The following COBLL1 variants were observed in gnomAD, a reference collection of about 807,000 sequenced individuals.
The protein encoded by COBLL1 is cordon-bleu protein-like 1.
COBLL1 carries 50 observed loss-of-function variants against 94.8 expected under a neutral mutation model. The ratio of observed to expected loss-of-function variants is 0.53; its 90% confidence interval spans 0.42 to 0.67. The LOEUF is 0.67. COBLL1 is among the 30% of genes least tolerant of loss of function. The pLI is 0.00. For missense variants in COBLL1, 1,362 were observed against 1,348.7 expected, an observed-to-expected ratio of 1.01 and a Z score of -0.15; for synonymous variants, 448 against 473.8, an observed-to-expected ratio of 0.95 and a Z score of 0.71.
intron 5 of COBLL1, chr2:164,724,433 T>C (rs563021221): frequency 1.3e-5 from 2 of 152,238 alleles, no homozygotes; most frequent in Admixed American, 1.3e-4. Context: ...GGCAATAAGT[T>C]AAACATTAAG....
Position 164,694,286 on chromosome 2 carries a change from G to A in COBLL1, c.3106C>T (p.Leu1036Phe). Residue 1036 changes from leucine to phenylalanine, a missense_variant, in exon 12 of 14, where the codon CTT (leucine) becomes TTT (phenylalanine). Transcript: ENST00000652658. ...ACAGTTACCTTATCAGACACACCAA[G>A]CTGTGGGATGTCCACAAATTTATTT... ...SVNKFVDIPQ[L>F]GVSDKENNSA... The A allele has an allele frequency of 1.2e-6, 2 of 1,613,578 alleles. No homozygotes were observed. The highest frequency in any genetic ancestry group is 1.7e-6 in the Non-Finnish European group (2 of 1,179,670).
chr2:164,672,280 C>G (rs1691253474), intron 1 of COBLL1, among the ~76,000 whole-genome samples: 1 of 152,170 alleles, frequency 6.6e-6, no homozygotes, highest in South Asian at 2.1e-4. Flanking sequence ...TCAGTGCCTC[C>G]TGAATGAGAT....
intron 3 of COBLL1, among the ~76,000 whole-genome samples, chr2:164,734,336 C>G (rs1180701023): frequency 1.3e-5 from 2 of 151,950 alleles, no homozygotes; most frequent in South Asian, 2.1e-4. Flanking sequence ...GTACAAAAAC[C>G]CTGAGGCAGG....
chr2:164,683,951 G>T lies in COBLL1; in HGVS notation c.*1995C>A, dbSNP rs1683163736. On this transcript the variant is annotated 3_prime_UTR_variant, in exon 14 of 14. Transcript: ENST00000652658. ...GATGTCTCCTTATGCATGTGCATAA[G>T]TACTTATTTAAGGTAACATGGTAAG... 1 of 152,136 alleles carries T rather than the reference G, an allele frequency of 6.6e-6. No homozygotes were observed. The highest frequency in any genetic ancestry group is 2.4e-5 in the African/African-American group (1 of 41,446). 9.4% of individuals were successfully genotyped at this position (152,136 alleles called of 1,614,324 possible).
chr2:164,814,315 T>C (rs967285884), intron 2 of COBLL1, among the ~76,000 whole-genome samples: 3 of 152,136 alleles, frequency 2.0e-5, no homozygotes, highest in African/African-American at 7.2e-5. Flanking sequence ...ACATTAGACC[T>C]AGCATCTAAT....
chr2:164,717,709 A>T (rs1275391940), intron 7 of COBLL1, among the ~76,000 whole-genome samples: 1 of 152,024 alleles, frequency 6.6e-6, no homozygotes, highest in African/African-American at 2.4e-5. Context: ...ACACACCAAC[A>T]TGCCTGGCTG....
At chr2:164,835,282 TG>T (rs1683267900) in intron 2 of COBLL1, among the ~76,000 whole-genome samples, 1 of 152,152 alleles carries the variant, frequency 6.6e-6, no homozygotes, top group Admixed American at 6.5e-5. Flanking sequence ...TATCCACTGA[TG>T]GATGGATAAG....
chr2:164,759,950 T>G (rs1011498896), intron 2 of COBLL1, among the ~76,000 whole-genome samples: 2 of 152,196 alleles, frequency 1.3e-5, no homozygotes, highest in Non-Finnish European at 2.9e-5. Flanking sequence ...TTGTATAATG[T>G]GAATGCAAAA....
chr2:164,805,330 T>TAA (rs1684058551), intron 2 of COBLL1, among the ~76,000 whole-genome samples: 1 of 47,318 alleles, frequency 2.1e-5, no homozygotes, highest in African/African-American at 7.4e-5. Context: ...TCTCTCTCTC[T>TAA]CTCTCTCTAT....
chr2:164,676,688 T>TCCCCC (rs199604109), downstream of COBLL1, among the ~76,000 whole-genome samples: 8 of 149,492 alleles, frequency 5.4e-5, no homozygotes, highest in African/African-American at 2.0e-4. Flanking sequence ...TTTTTTTTTT[T>TCCCCC]CCCCCCCTTT....
chr2:164,695,636 C>T lies in COBLL1; in HGVS notation c.1756G>A (p.Val586Ile). ...YKENHLAASS[V>I]PDQKLNQPSA... is the part of the protein sequence containing the mutation. ...GGTTGATTCAGTTTTTGATCTGGTACTGATGAAGCTGCTAGATGGTTTTCC... is the reference window on the plus strand; with the variant it reads ...GGTTGATTCAGTTTTTGATCTGGTATTGATGAAGCTGCTAGATGGTTTTCC... Residue 586 changes from valine (V) to isoleucine (I), a missense_variant, in exon 12 of 14, where the codon GTA (valine) becomes ATA (isoleucine). Physicochemically the swap from Val to Ile is conservative, Grantham distance 29. Transcript: ENST00000652658. The T allele has an allele frequency of 1.2e-6, 2 of 1,613,864 alleles. No homozygotes were observed. Among genetic ancestry groups the T allele is most frequent in the Non-Finnish European group, 1.7e-6 (2 of 1,179,892 alleles).
chr2:164,750,808 C>G (rs943771901), intron 2 of COBLL1, among the ~76,000 whole-genome samples: 2 of 152,160 alleles, frequency 1.3e-5, no homozygotes, highest in African/African-American at 2.4e-5. Context: ...AGCCATAGTA[C>G]TTGGCTGCCG....
intron 7 of COBLL1, among the ~76,000 whole-genome samples, chr2:164,709,774 T>C (rs948237778): frequency 5.9e-5 from 9 of 152,146 alleles, no homozygotes; most frequent in African/African-American, 2.2e-4. Flanking sequence ...GTGAACATGA[T>C]TGTCACTAAT....
intron 2 of COBLL1, among the ~76,000 whole-genome samples, chr2:164,751,985 T>C (rs1687148709): frequency 6.6e-6 from 1 of 152,162 alleles, no homozygotes; most frequent in Admixed American, 6.6e-5. Flanking sequence ...ATCTAATTTT[T>C]CATTTTTAGG....
At chr2:164,801,017 G>A (rs1232648701) in intron 2 of COBLL1, among the ~76,000 whole-genome samples, 1 of 152,152 alleles carries the variant, frequency 6.6e-6, no homozygotes. Flanking sequence ...CCTAGCACTG[G>A]AGCTGGGTGC....
chr2:164,744,910 G>GA (rs925748574), intron 2 of COBLL1, among the ~76,000 whole-genome samples: 3 of 152,024 alleles, frequency 2.0e-5, no homozygotes, highest in Admixed American at 2.0e-4. Flanking sequence ...TTGATGGATT[G>GA]AAAAAATAAA....
chr2:164,735,278 T>C (rs907680387), intron 3 of COBLL1, among the ~76,000 whole-genome samples: 2 of 152,154 alleles, frequency 1.3e-5, no homozygotes, highest in African/African-American at 4.8e-5. Flanking sequence ...AGCATACTTG[T>C]TGAGAGGAGG....
At chr2:164,669,170 G>A (rs1691210134) in intron 1 of COBLL1, among the ~76,000 whole-genome samples, 1 of 152,126 alleles carries the variant, frequency 6.6e-6, no homozygotes, top group Admixed American at 6.5e-5. Flanking sequence ...GATGAACTCA[G>A]AGAGCATAGG....
chr2:164,808,357 C>T (rs942375911), intron 2 of COBLL1, among the ~76,000 whole-genome samples: 32 of 152,048 alleles, frequency 2.1e-4, no homozygotes, highest in Admixed American at 8.5e-4. Context: ...TATATAGAGG[C>T]CCTCATGGTA....
Sources: gnomAD v4.1 joint callset for allele counts (sites outside exome capture counted in the v4.1 genomes callset) on GRCh38, gnomAD v4.1.1 for gene constraint, MANE v1.5 for transcripts, NCBI Gene and HGNC (gene_info 2026-07-23, HGNC 2026-07-21) for gene names.